TMEM65: variants seen among roughly 807,000 people sequenced by gnomAD.
TMEM65 encodes transmembrane protein 65.
A neutral mutation model predicts 25.4 loss-of-function variants in TMEM65; 22 were observed. The observed-to-expected ratio is 0.86, with a 90% CI of 0.62 to 1.23. The LOEUF is 1.23. Ranked by LOEUF, TMEM65 falls within the 50% of genes most tolerant of loss-of-function variation. The pLI is 0.00. For synonymous variants in TMEM65, 132 were observed against 126.2 expected, an observed-to-expected ratio of 1.05 and a Z score of -0.31; for missense variants, 262 against 308.2, an observed-to-expected ratio of 0.85 and a Z score of 1.12.
intron 4 of TMEM65, 136 bp downstream of exon 4, chr8:124,323,182 CAGA>C (rs1273817666): frequency 5.8e-6 from 3 of 515,694 alleles, no homozygotes; most frequent in Non-Finnish European, 6.8e-6. Context: ...AACTAAGAAT[CAGA>C]AGAATAGGAT....
chr8:124,369,533 T>C (rs1814984292), intron 1 of TMEM65, among the ~76,000 whole-genome samples: 1 of 152,162 alleles, frequency 6.6e-6, no homozygotes, highest in Non-Finnish European at 1.5e-5. Flanking sequence ...TTAAATAGAA[T>C]TAATTTTGTT....
intron 1 of TMEM65, among the ~76,000 whole-genome samples, chr8:124,335,373 G>A (rs1418854911): frequency 6.6e-6 from 1 of 152,066 alleles, no homozygotes; most frequent in Non-Finnish European, 1.5e-5. Flanking sequence ...TTAGTCTGAA[G>A]GGAAATAGCA....
At chr8:124,323,475 G>A in intron 3 of TMEM65, 100 bp from the exon 4 acceptor site, 1 of 558,856 alleles carries the variant, frequency 1.8e-6, no homozygotes, top group Non-Finnish European at 3.1e-6. Flanking sequence ...AAATCAACAT[G>A]TTAGTGCTGC....
intron 1 of TMEM65, among the ~76,000 whole-genome samples, chr8:124,342,176 T>A (rs912026513): frequency 2.6e-5 from 4 of 152,096 alleles, no homozygotes; most frequent in Non-Finnish European, 5.9e-5. Flanking sequence ...TCATCAGATA[T>A]TTAATCATGG....
In TMEM65 at chr8:124,361,462, A is replaced by G. The variant is rs565713149; in HGVS notation, c.304+10392T>C. ...CGAAAAAAAAAAAAAAAAATCCTGT[A>G]GTTAATAAGTTAATATATATAATTA... On this transcript the variant is annotated intron_variant, in intron 1 of 6. Coordinates refer to ENST00000297632, the MANE Select transcript of TMEM65 (RefSeq NM_194291.3). Among the ~76,000 whole-genome samples the G allele has an allele frequency of 2.1e-4, 31 of 150,992 alleles. No individual in the cohort carries two copies. The East Asian group carries it at 6.1e-3, about 30-fold the overall frequency.
chr8:124,355,720 A>T (rs1400952841), intron 1 of TMEM65, among the ~76,000 whole-genome samples: 2 of 152,248 alleles, frequency 1.3e-5, no homozygotes, highest in East Asian at 3.8e-4. Flanking sequence ...CCATAAGAGA[A>T]CTGAAGTCAC....
intron 6 of TMEM65, 49 bp from the exon 7 acceptor site, chr8:124,314,110 C>T (rs1554587330): frequency 6.8e-7 from 1 of 1,481,222 alleles, no homozygotes. Context: ...TCTCTGATAA[C>T]AAGAAGGCAG....
chr8:124,323,556 C>G (rs1382593803), intron 3 of TMEM65, among the ~76,000 whole-genome samples, 181 bp from the exon 4 acceptor site: 3 of 151,922 alleles, frequency 2.0e-5, no homozygotes, highest in African/African-American at 7.2e-5. Flanking sequence ...TGCATTCATA[C>G]AGAAATAACA....
rs76467323 is a variant in TMEM65 at position 124,318,807 on chromosome 8, C to T, written c.621+1279G>A. ...TGAGAACCACTCTCCTATGAAATCTCATCTTCTCCCATGGTTTGAACAATC... is the reference window on the plus strand; with the variant it reads ...TGAGAACCACTCTCCTATGAAATCTTATCTTCTCCCATGGTTTGAACAATC... On this transcript the variant is annotated intron_variant, in intron 6 of 6. Transcript: ENST00000297632. Among the ~76,000 whole-genome samples the T allele has an allele frequency of 5.4e-3, 816 of 152,274 alleles. 5 individuals are homozygous for T. Among genetic ancestry groups the T allele is most frequent in the African/African-American group, 0.017 (710 of 41,568 alleles).
intron 1 of TMEM65, among the ~76,000 whole-genome samples, chr8:124,368,237 G>A (rs1419286031): frequency 7.3e-6 from 1 of 137,702 alleles, no homozygotes; most frequent in Admixed American, 7.7e-5. Flanking sequence ...CGTTTTAAAA[G>A]TCTGTGGCTT....
rs1412930137 is a variant in TMEM65 at position 124,372,213 on chromosome 8, G to C, written c.-56C>G. The C allele has an allele frequency of 1.5e-5, 19 of 1,240,550 alleles. No homozygotes were observed. The highest frequency in any genetic ancestry group is 8.2e-5 in the African/African-American group (5 of 60,632). The allele number at this position is 1,240,550 out of a possible 1,614,324, so 76.8% of individuals were successfully genotyped here. ...CGTCCGGCAAGGCGGTTTCTGGCGC[G>C]GCTGAGGCGAGAAGGAGCTGGGCTC... On this transcript the variant is annotated 5_prime_UTR_variant, in exon 1 of 7. Transcript: ENST00000297632.
chr8:124,354,596 T>C (rs929130569), intron 1 of TMEM65, among the ~76,000 whole-genome samples: 1 of 152,194 alleles, frequency 6.6e-6, no homozygotes, highest in Non-Finnish European at 1.5e-5. Context: ...TAGCTTGTTT[T>C]CACAGAAGCA....
chr8:124,371,286 A>G (rs1211246852), intron 1 of TMEM65, among the ~76,000 whole-genome samples: 1 of 152,226 alleles, frequency 6.6e-6, no homozygotes, highest in African/African-American at 2.4e-5. Flanking sequence ...GGCTGCTGAA[A>G]TTAACGCAAT....
At chr8:124,337,338 G>A (rs1337905413) in intron 1 of TMEM65, among the ~76,000 whole-genome samples, 1 of 151,860 alleles carries the variant, frequency 6.6e-6, no homozygotes, top group African/African-American at 2.4e-5. Context: ...ACAAAGAAGA[G>A]AAAACCAGAT....
chr8:124,365,847 T>C (rs1814931418), intron 1 of TMEM65, among the ~76,000 whole-genome samples: 1 of 152,236 alleles, frequency 6.6e-6, no homozygotes, highest in Non-Finnish European at 1.5e-5. Flanking sequence ...TTAAGACTTA[T>C]TTTGGACTTT....
intron 1 of TMEM65, among the ~76,000 whole-genome samples, chr8:124,369,025 T>A (rs1223189791): frequency 3.9e-5 from 6 of 152,276 alleles, no homozygotes; most frequent in African/African-American, 1.4e-4. Context: ...GGGAAGAAAA[T>A]TTGTTTTAAA....
rs1489856057 is a variant in TMEM65, at chr8:124,339,248, T to TATATATATAA, written c.305-8457_305-8456insTTATATATAT. On this transcript the variant is annotated intron_variant, in intron 1 of 6. Transcript: ENST00000297632. ...ATATATATATATATATATATATATA[T>TATATATATAA]AAAATATTCTTGCAACAAGTAGCTG... 1.2e-3 allele frequency among the ~76,000 whole-genome samples: 129 copies of TATATATATAA among 104,494 alleles called. 2 individuals carry two copies. The highest frequency in any genetic ancestry group is 4.8e-3 in the African/African-American group (115 of 23,770). The allele number at this position is 104,494 out of a possible 152,430, so 68.6% of individuals were successfully genotyped here. A position where few individuals can be genotyped will look rare whatever the true frequency, so the allele number is the denominator to read the frequency against.
rs1815029990 is a variant in TMEM65 at position 124,372,293 on chromosome 8, T to G, written c.-136A>C. Reference sequence around the variant, plus strand: ...CAGGCAGCCGAGGCGCCGGGCACCATGCACTCCGCGGGCCCGCGCGGCTCT... The same window carrying G: ...CAGGCAGCCGAGGCGCCGGGCACCAGGCACTCCGCGGGCCCGCGCGGCTCT... On this transcript the variant is annotated 5_prime_UTR_variant, in exon 1 of 7. It removes an upstream start codon present in the reference 5' UTR. Transcript: ENST00000297632. The G allele has an allele frequency of 1.5e-5, 12 of 789,284 alleles. No homozygotes were observed. The highest frequency in any genetic ancestry group is 9.8e-5 in the East Asian group (1 of 10,212). 48.9% of individuals were successfully genotyped at this position (789,284 alleles called of 1,614,324 possible).
rs1554589072 is a variant in TMEM65, at chr8:124,333,497, GTC to G, written c.305-2707_305-2706del. ...TGTGTGTGTGTGTGTGTGTGTGTGT[GTC>G]TGTGTGTATTATATACATCATACTC... On this transcript the variant is annotated intron_variant, in intron 1 of 6. Coordinates refer to ENST00000297632, the MANE Select transcript of TMEM65 (RefSeq NM_194291.3). Among the ~76,000 whole-genome samples, 20 of 150,978 alleles carry G rather than the reference GTC, an allele frequency of 1.3e-4. No homozygotes were observed. In the South Asian group the frequency reaches 3.6e-3, roughly 27 times the overall value.
Sources: gnomAD v4.1 joint callset for allele counts (sites outside exome capture counted in the v4.1 genomes callset) on GRCh38, gnomAD v4.1.1 for gene constraint, MANE v1.5 for transcripts, NCBI Gene and HGNC (gene_info 2026-07-23, HGNC 2026-07-21) for gene names.